EIF2A: variants seen among roughly 807,000 people sequenced by gnomAD.
EIF2A encodes the protein 65 kDa eukaryotic translation initiation factor 2A.
EIF2A carries 62 observed loss-of-function variants against 75.2 expected under a neutral mutation model. The observed-to-expected ratio is 0.82, with a 90% confidence interval of 0.67 to 1.02. EIF2A has a LOEUF of 1.02. Ranked by LOEUF, EIF2A falls within the 50% of genes least tolerant of loss-of-function variation. The pLI is 0.00. For synonymous variants in EIF2A, 207 were observed against 239.0 expected, an observed-to-expected ratio of 0.87 and a Z score of 1.23; for missense variants, 611 against 677.7, an observed-to-expected ratio of 0.90 and a Z score of 1.09.
chr3:150,551,922 C>G (rs966193020), intron 1 of EIF2A, among the ~76,000 whole-genome samples: 27 of 152,118 alleles, frequency 1.8e-4, no homozygotes, highest in Admixed American at 9.2e-4. Context: ...CCTTATATTT[C>G]TAAAAACTTT....
chr3:150,558,008 A>G (rs9818304), intron 2 of EIF2A, among the ~76,000 whole-genome samples: 47,878 of 152,054 alleles, frequency 0.31, 8,257 homozygotes, highest in East Asian at 0.49. Flanking sequence ...TTCACTTCGG[A>G]GATACAGTAC....
At chr3:150,555,826 A>G (rs902646559) in intron 2 of EIF2A, among the ~76,000 whole-genome samples, 2 of 152,174 alleles carry the variant, frequency 1.3e-5, no homozygotes, top group African/African-American at 4.8e-5. Flanking sequence ...AGAAAGGGAA[A>G]TGAGACAGGG....
At chr3:150,565,809 T>TTG (rs1724146521) in intron 6 of EIF2A, 1 of 150,446 alleles carries the variant, frequency 6.6e-6, no homozygotes, top group East Asian at 1.9e-4. Context: ...TTTTTTTTTT[T>TTG]TTTGAGATGG....
intron 2 of EIF2A, chr3:150,552,690 C>G: frequency 7.7e-6 from 2 of 261,226 alleles, no homozygotes; most frequent in Non-Finnish European, 1.4e-5. Flanking sequence ...TGAATACAAG[C>G]CTTTATTTTA....
At chr3:150,574,881 A>G (rs967399799) in intron 10 of EIF2A, among the ~76,000 whole-genome samples, 1 of 152,242 alleles carries the variant, frequency 6.6e-6, no homozygotes, top group Non-Finnish European at 1.5e-5. Context: ...TTAAAATAAT[A>G]GCAATATAGA....
At chr3:150,548,286 T>C (rs1677018548) in intron 1 of EIF2A, among the ~76,000 whole-genome samples, 1 of 152,284 alleles carries the variant, frequency 6.6e-6, no homozygotes, top group East Asian at 1.9e-4. Flanking sequence ...ATATCATTGC[T>C]CTGTGAAGCC....
At chr3:150,561,221 C>A (rs746342114) in intron 3 of EIF2A, among the ~76,000 whole-genome samples, 2 of 152,190 alleles carry the variant, frequency 1.3e-5, no homozygotes, top group Non-Finnish European at 2.9e-5. Flanking sequence ...ACCTCAGCCT[C>A]CCAACATGCT....
At chr3:150,558,686 T>C (rs1723699025) in intron 3 of EIF2A, 1 of 286,914 alleles carries the variant, frequency 3.5e-6, no homozygotes. Context: ...AATTAATATA[T>C]GAAAAATATA....
At chr3:150,564,437 C>T (rs986352896) in intron 6 of EIF2A, 56 bp downstream of exon 6, 1 of 1,387,834 alleles carries the variant, frequency 7.2e-7, no homozygotes, top group Non-Finnish European at 9.7e-7. Context: ...ATACAGTTTC[C>T]ATTAACTTTT....
chr3:150,581,580 G>C, intron 11 of EIF2A, 38 bp from the exon 12 acceptor site: 2 of 1,544,124 alleles, frequency 1.3e-6, no homozygotes, highest in Non-Finnish European at 1.7e-6. Flanking sequence ...TAATGTTTTT[G>C]GCTTTTAAAA....
At chr3:150,551,190 C>A (rs1383523601) in intron 1 of EIF2A, among the ~76,000 whole-genome samples, 1 of 152,120 alleles carries the variant, frequency 6.6e-6, no homozygotes, top group Non-Finnish European at 1.5e-5. Flanking sequence ...TCAGTGGTAC[C>A]ATATACCTTT....
At chr3:150,571,203 G>A (rs1182062377) in intron 9 of EIF2A, among the ~76,000 whole-genome samples, 1 of 151,130 alleles carries the variant, frequency 6.6e-6, no homozygotes, top group Admixed American at 6.6e-5. Flanking sequence ...GCAGTGGCAC[G>A]ATCTTGGCTC....
intron 1 of EIF2A, among the ~76,000 whole-genome samples, chr3:150,551,567 CA>C (rs11430778): frequency 5.4e-4 from 76 of 142,036 alleles, no homozygotes; most frequent in Admixed American, 7.0e-4. Context: ...TCTGTCTCTA[CA>C]AAAAAAAAAA....
chr3:150,547,019 T>C (rs1358729756), intron 1 of EIF2A, 189 bp downstream of exon 1: 2 of 657,260 alleles, frequency 3.0e-6, no homozygotes, highest in Non-Finnish European at 5.1e-6. Context: ...CTCTGGGCTT[T>C]CGTATTCCCC....
At chr3:150,561,677 G>A (rs1339045034) in intron 3 of EIF2A, among the ~76,000 whole-genome samples, 4 of 152,040 alleles carry the variant, frequency 2.6e-5, no homozygotes, top group Non-Finnish European at 5.9e-5. Flanking sequence ...GATTAGTTTT[G>A]TGTTCACTTA....
intron 2 of EIF2A, among the ~76,000 whole-genome samples, chr3:150,554,819 A>G (rs975655355): frequency 5.0e-4 from 76 of 152,230 alleles, no homozygotes; most frequent in Admixed American, 2.6e-4. Flanking sequence ...CATGGGCCCA[A>G]CCAAGACCAA....
chr3:150,561,489 A>G (rs960270748), intron 3 of EIF2A, among the ~76,000 whole-genome samples: 49 of 152,128 alleles, frequency 3.2e-4, no homozygotes, highest in African/African-American at 1.2e-3. Context: ...TAGGCAGGAG[A>G]ATCACTTAAA....
intron 11 of EIF2A, among the ~76,000 whole-genome samples, chr3:150,577,553 A>C (rs898643179): frequency 6.6e-6 from 1 of 151,404 alleles, no homozygotes; most frequent in African/African-American, 2.4e-5. Flanking sequence ...TTTTTCAAGC[A>C]GGAAATGGGA....
intron 11 of EIF2A, among the ~76,000 whole-genome samples, chr3:150,576,066 C>T (rs973738837): frequency 5.9e-5 from 9 of 151,892 alleles, no homozygotes; most frequent in Non-Finnish European, 1.3e-4. Flanking sequence ...CCAGCCTGTG[C>T]GACAGAGAGA....
Sources: gnomAD v4.1 joint callset for allele counts (sites outside exome capture counted in the v4.1 genomes callset) on GRCh38, gnomAD v4.1.1 for gene constraint, MANE v1.5 for transcripts, NCBI Gene and HGNC (gene_info 2026-07-23, HGNC 2026-07-21) for gene names.